WWP2: variants seen among roughly 807,000 people sequenced by gnomAD.
WWP2 encodes the protein NEDD4-like E3 ubiquitin-protein ligase WWP2.
Under a neutral mutation model 121.0 loss-of-function variants are expected in WWP2, and 57 were observed. The observed-to-expected ratio is 0.47, with a 90% CI of 0.38 to 0.59. The LOEUF is 0.59. WWP2 is among the 20% of genes least tolerant of loss of function. WWP2 has a pLI of 0.00. For missense variants in WWP2, 962 were observed against 1,158.9 expected (o/e 0.83, Z 2.47); for synonymous variants, 449 against 441.3 (o/e 1.02, Z -0.22).
At position 69,939,965 on chromosome 16, in the gene WWP2, C is replaced by G; in HGVS notation, c.*25C>G. ...ACCGAGGCCGCCCCTCCCACGCCCC[C>G]CAGCGCACATGTAGTCCTGAGTCCT... On this transcript the variant is annotated 3_prime_UTR_variant, in exon 24 of 24. Coordinates refer to ENST00000359154, the MANE Select transcript of WWP2 (RefSeq NM_001270454.2). 2 of 1,595,408 alleles carry G rather than the reference C, an allele frequency of 1.3e-6. No homozygotes were observed. The highest frequency in any genetic ancestry group is 1.7e-6 in the Non-Finnish European group (2 of 1,167,246).
chr16:69,896,461 T>C (rs2058105840), intron 8 of WWP2, among the ~76,000 whole-genome samples: 2 of 152,144 alleles, frequency 1.3e-5, no homozygotes, highest in South Asian at 4.1e-4. Context: ...GTAAAGAATA[T>C]TGTGTCCGTC....
intron 4 of WWP2, among the ~76,000 whole-genome samples, chr16:69,803,562 C>T (rs4985418): frequency 0.38 from 57,319 of 151,880 alleles, 11,027 homozygotes; most frequent in Admixed American, 0.49. Flanking sequence ...TCTCTGAGGC[C>T]CCCCACTTCC....
intron 4 of WWP2, among the ~76,000 whole-genome samples, chr16:69,802,764 C>T (rs186252105): frequency 9.9e-5 from 15 of 152,022 alleles, no homozygotes; most frequent in Admixed American, 2.0e-4. Context: ...CCACCATGCC[C>T]AGCTAATTTT....
chr16:69,800,136 C>T (rs1438213871), intron 4 of WWP2, among the ~76,000 whole-genome samples: 3 of 151,586 alleles, frequency 2.0e-5, no homozygotes, highest in South Asian at 2.1e-4. Context: ...TCCTTTTAAG[C>T]GATGGGCCAC....
chr16:69,822,356 G>A (rs1221737783), intron 4 of WWP2, among the ~76,000 whole-genome samples: 2 of 152,200 alleles, frequency 1.3e-5, no homozygotes, highest in African/African-American at 4.8e-5. Context: ...CTAGAGGCTG[G>A]CGCTGAAGTG....
At chr16:69,817,191 A>G (rs2056510085) in intron 4 of WWP2, among the ~76,000 whole-genome samples, 1 of 152,122 alleles carries the variant, frequency 6.6e-6, no homozygotes, top group Admixed American at 6.6e-5. Context: ...TTTTTCACCC[A>G]GTTTTTTCCG....
intron 6 of WWP2, among the ~76,000 whole-genome samples, chr16:69,845,945 A>C (rs1213309387): frequency 6.8e-6 from 1 of 146,468 alleles, no homozygotes; most frequent in Non-Finnish European, 1.5e-5. Context: ...AGCTACTCAG[A>C]AGGCTGAGGC....
chr16:69,848,439 A>AAT (rs2057127631), intron 6 of WWP2, among the ~76,000 whole-genome samples: 1 of 151,558 alleles, frequency 6.6e-6, no homozygotes, highest in Admixed American at 6.6e-5. Context: ...AACAAGAGCA[A>AAT]AGCTCCATCT....
rs1252343635 is a variant in WWP2 at position 69,940,097 on chromosome 16, C to T, written c.*157C>T. On this transcript the variant is annotated 3_prime_UTR_variant, in exon 24 of 24. Coordinates refer to ENST00000359154, the MANE Select transcript of WWP2 (RefSeq NM_001270454.2). ...CGCTGCTGGCAGAAAAGCCTGATCCCAGGAGGCCCTGCAGTTCCCCCGACC... is the reference window on the plus strand; with the variant it reads ...CGCTGCTGGCAGAAAAGCCTGATCCTAGGAGGCCCTGCAGTTCCCCCGACC... 2 of 641,324 alleles carry T rather than the reference C, an allele frequency of 3.1e-6. No individual in the cohort carries two copies. The highest frequency in any genetic ancestry group is 2.7e-6 in the Non-Finnish European group (1 of 375,670). The allele number at this position is 641,324 out of a possible 1,614,324, so 39.7% of individuals were successfully genotyped here. A position where few individuals can be genotyped will look rare whatever the true frequency, so the allele number is the denominator to read the frequency against.
chr16:69,844,652 G>A (rs2057037021), intron 6 of WWP2, among the ~76,000 whole-genome samples: 1 of 152,176 alleles, frequency 6.6e-6, no homozygotes. Context: ...TGTTGCAGCA[G>A]CCAGGCTGCA....
At chr16:69,846,711 C>T (rs2057087203) in intron 6 of WWP2, among the ~76,000 whole-genome samples, 3 of 149,156 alleles carry the variant, frequency 2.0e-5, no homozygotes, top group Admixed American at 2.0e-4. Flanking sequence ...TGGAGTGAGA[C>T]TCTGTCTCAA....
At chr16:69,924,584 AG>A (rs2151980963) in intron 10 of WWP2, among the ~76,000 whole-genome samples, 1 of 152,048 alleles carries the variant, frequency 6.6e-6, no homozygotes, top group African/African-American at 2.4e-5. Flanking sequence ...ATTTGGCTGG[AG>A]GGGGTGTGGG....
chr16:69,789,160 C>T (rs993860635), intron 2 of WWP2, among the ~76,000 whole-genome samples: 4 of 152,116 alleles, frequency 2.6e-5, no homozygotes, highest in African/African-American at 7.2e-5. Context: ...CAGGTTAAAA[C>T]AGTTCTCCTG....
chr16:69,919,292 A>G lies in WWP2; in HGVS notation c.1179+1409A>G, dbSNP rs981282906. On this transcript the variant is annotated intron_variant, in intron 10 of 23. Coordinates refer to ENST00000359154, the MANE Select transcript of WWP2 (RefSeq NM_001270454.2). ...GCAATTCTCCTGCCTCACCCTCCCAAGTACCTGGGATTACAGGCACACGCC... is the reference window on the plus strand; with the variant it reads ...GCAATTCTCCTGCCTCACCCTCCCAGGTACCTGGGATTACAGGCACACGCC... 5.7e-5 allele frequency among the ~76,000 whole-genome samples: 4 copies of G among 70,208 alleles called. No individual in the cohort carries two copies. The Admixed American group carries it at 6.0e-4, about 11-fold the overall frequency. The allele number at this position is 70,208 out of a possible 152,430, so 46.1% of individuals were successfully genotyped here.
intron 6 of WWP2, among the ~76,000 whole-genome samples, chr16:69,855,441 T>G (rs935897278): frequency 1.3e-5 from 2 of 152,196 alleles, no homozygotes; most frequent in Non-Finnish European, 2.9e-5. Context: ...CTAGAAACAT[T>G]TTGTGCCTTG....
At chr16:69,880,587 T>C (rs1332172635) in intron 7 of WWP2, among the ~76,000 whole-genome samples, 1 of 152,242 alleles carries the variant, frequency 6.6e-6, no homozygotes, top group East Asian at 1.9e-4. Flanking sequence ...TCGTCCATTT[T>C]TAAGTTTTGC....
chr16:69,797,839 G>A (rs1443011247), intron 2 of WWP2, among the ~76,000 whole-genome samples: 4 of 151,852 alleles, frequency 2.6e-5, no homozygotes, highest in African/African-American at 9.7e-5. Context: ...AGTGAGCCGA[G>A]ATTGTGGCAT....
At chr16:69,894,476 G>T (rs1011911926) in intron 8 of WWP2, among the ~76,000 whole-genome samples, 1 of 152,124 alleles carries the variant, frequency 6.6e-6, no homozygotes, top group African/African-American at 2.4e-5. Context: ...CTGAAACCTG[G>T]GCTGAAGATG....
chr16:69,839,773 A>G (rs2056941569), intron 4 of WWP2, among the ~76,000 whole-genome samples: 2 of 152,214 alleles, frequency 1.3e-5, no homozygotes, highest in South Asian at 4.1e-4. Flanking sequence ...GCAGGGGGAT[A>G]TTACTTGCAA....
Sources: allele counts gnomAD v4.1 joint callset (sites outside exome capture counted in the v4.1 genomes callset), GRCh38; gene constraint gnomAD v4.1.1; transcripts MANE v1.5; gene names NCBI Gene and HGNC (gene_info 2026-07-23, HGNC 2026-07-21).